Variants in CACNA2D3 observed in about 807,000 individuals in gnomAD.
CACNA2D3 encodes the protein voltage-dependent calcium channel subunit alpha-2/delta-3.
Under a neutral mutation model 160.6 loss-of-function variants are expected in CACNA2D3, and 60 were observed. That is an observed-to-expected ratio of 0.37 (90% confidence interval 0.30 to 0.46). The LOEUF (loss-of-function observed/expected upper bound fraction) is 0.46, where lower values mean the gene tolerates loss of function less well. CACNA2D3 is among the 20% of genes least tolerant of loss of function. CACNA2D3 has a pLI of 1.00. For synonymous variants in CACNA2D3, 558 were observed against 492.9 expected (o/e 1.13, Z -1.75); for missense variants, 1,205 against 1,365.0 (o/e 0.88, Z 1.85).
At chr3:54,307,394 C>A (rs945028996) in intron 2 of CACNA2D3, among the ~76,000 whole-genome samples, 3 of 152,102 alleles carry the variant, frequency 2.0e-5, no homozygotes, top group African/African-American at 7.2e-5. Flanking sequence ...CCTGGAGGAC[C>A]CGTGGGCTGC....
chr3:54,831,426 G>C (rs991621492), intron 14 of CACNA2D3, among the ~76,000 whole-genome samples: 1 of 152,208 alleles, frequency 6.6e-6, no homozygotes, highest in Non-Finnish European at 1.5e-5. Context: ...ATAGAGTTAT[G>C]AAGAAGGCAA....
In CACNA2D3 at chr3:55,036,205, G is replaced by C. The variant is rs1279493265; in HGVS notation, c.2987+17888G>C. On this transcript the variant is annotated intron_variant, in intron 35 of 37. Coordinates refer to ENST00000474759, the MANE Select transcript of CACNA2D3 (RefSeq NM_018398.3). ...CTCCCACCTGTAATCCCAGCACTTT[G>C]GGAGGCCAGGGTGGGTAGATCACTT... is the stretch of plus-strand genomic sequence containing the variant. 5.3e-5 allele frequency among the ~76,000 whole-genome samples: 8 copies of C among 152,114 alleles called. No homozygotes were observed. The South Asian group carries it at 1.5e-3, about 28-fold the overall frequency.
chr3:54,461,692 G>A (rs193063160), intron 4 of CACNA2D3, among the ~76,000 whole-genome samples: 3 of 151,712 alleles, frequency 2.0e-5, no homozygotes, highest in Admixed American at 6.6e-5. Flanking sequence ...TCTTGGTAGT[G>A]ATCTATCAGT....
At chr3:54,632,480 C>T (rs747188567) in intron 10 of CACNA2D3, 11 of 152,192 alleles carry the variant, frequency 7.2e-5, no homozygotes, top group Non-Finnish European at 1.3e-4. Flanking sequence ...AATGCAGTCT[C>T]CCCAGAACAT....
intron 2 of CACNA2D3, among the ~76,000 whole-genome samples, chr3:54,131,624 C>G (rs370769410): frequency 9.2e-5 from 14 of 152,324 alleles, no homozygotes; most frequent in African/African-American, 3.4e-4. Flanking sequence ...TATTCATGAA[C>G]AAGAGAGACT....
intron 11 of CACNA2D3, among the ~76,000 whole-genome samples, chr3:54,663,959 T>C (rs1216523224): frequency 6.6e-6 from 1 of 152,246 alleles, no homozygotes; most frequent in Non-Finnish European, 1.5e-5. Flanking sequence ...CTCGCCTTCA[T>C]GTGTGGTGAG....
intron 29 of CACNA2D3, 68 bp downstream of exon 29, chr3:54,969,912 G>A (rs1181865036): frequency 9.4e-6 from 13 of 1,384,670 alleles, no homozygotes; most frequent in South Asian, 2.4e-5. Flanking sequence ...CTTTATGACC[G>A]AGGGAATGCC....
chr3:54,416,512 C>T (rs947809214), intron 4 of CACNA2D3, among the ~76,000 whole-genome samples: 22 of 152,250 alleles, frequency 1.4e-4, no homozygotes, highest in African/African-American at 4.3e-4. Flanking sequence ...GATTGGTTAT[C>T]ATCAGAGTTG....
At position 54,941,929 on chromosome 3, in the gene CACNA2D3, C is replaced by G. The variant is rs141234932; in HGVS notation, c.2450-26521C>G. ...CTGCTCACCATGGGATAAACTTCAA[C>G]CTCGTGAAATGGCAATGACAGCTGC... On this transcript the variant is annotated intron_variant, in intron 27 of 37. Coordinates refer to ENST00000474759, the MANE Select transcript of CACNA2D3 (RefSeq NM_018398.3). Among the ~76,000 whole-genome samples, 6 of 152,320 alleles carry G rather than the reference C, an allele frequency of 3.9e-5. No homozygotes were observed. The East Asian group carries it at 1.2e-3, about 29-fold the overall frequency.
chr3:54,994,505 A>G lies in CACNA2D3; in HGVS notation c.2690+6752A>G, dbSNP rs1702813951. Among the ~76,000 whole-genome samples, 4 of 152,306 alleles carry G rather than the reference A, an allele frequency of 2.6e-5. No individual in the cohort carries two copies. The South Asian group carries it at 8.3e-4, about 32-fold the overall frequency. On this transcript the variant is annotated intron_variant, in intron 31 of 37. Coordinates refer to ENST00000474759, the MANE Select transcript of CACNA2D3 (RefSeq NM_018398.3). The stretch of plus-strand genomic sequence containing the variant: ...TTCTGGGCCAAACTTTCTGGAAGGC[A>G]GAGACATGGAGCTTCCAATGAACCA...
Position 54,524,706 on chromosome 3 carries a change from C to T in CACNA2D3, c.544+21052C>T, listed in dbSNP as rs576673512. 2.3e-4 allele frequency among the ~76,000 whole-genome samples: 35 copies of T among 151,996 alleles called. No individual in the cohort carries two copies. The East Asian group carries it at 5.4e-3, about 23-fold the overall frequency. On this transcript the variant is annotated intron_variant, in intron 5 of 37. Transcript: ENST00000474759. ...TATGTGTATAATTGTTATATCTTCC[C>T]GACAGATTTACTCTTTTATCATTAT...
chr3:54,196,611 A>C (rs6445633), intron 2 of CACNA2D3, among the ~76,000 whole-genome samples: 117,246 of 152,264 alleles, frequency 0.77, 45,805 homozygotes, highest in East Asian at 1. Context: ...CCTATGGTAT[A>C]TGCAGGGCTT....
At chr3:54,793,547 G>GT (rs1702804825) in intron 13 of CACNA2D3, among the ~76,000 whole-genome samples, 1 of 152,184 alleles carries the variant, frequency 6.6e-6, no homozygotes, top group Non-Finnish European at 1.5e-5. Flanking sequence ...GAGAGACAGA[G>GT]TAACGGGGTC....
At chr3:54,680,298 T>C (rs1462318790) in intron 11 of CACNA2D3, among the ~76,000 whole-genome samples, 1 of 152,262 alleles carries the variant, frequency 6.6e-6, no homozygotes, top group Non-Finnish European at 1.5e-5. Flanking sequence ...TCAACAACAC[T>C]TCCTTTTTAT....
intron 17 of CACNA2D3, among the ~76,000 whole-genome samples, chr3:54,859,594 T>G (rs1333500595): frequency 6.6e-6 from 1 of 152,204 alleles, no homozygotes; most frequent in South Asian, 2.1e-4. Flanking sequence ...CCCTCCATTA[T>G]GTAGCATGAT....
intron 21 of CACNA2D3, among the ~76,000 whole-genome samples, chr3:54,883,799 A>ATCTCTCTCACTCTCTCTCTCTCTCTCTC (rs1553904142): frequency 0.012 from 1,281 of 107,366 alleles, 13 homozygotes; most frequent in Non-Finnish European, 0.017. Flanking sequence ...TTACAATGGA[A>ATCTCTCTCACTCTCTCTCTCTCTCTCTC]TCTCTCTCTC....
intron 3 of CACNA2D3, among the ~76,000 whole-genome samples, chr3:54,331,965 T>A (rs984074329): frequency 2.0e-5 from 3 of 152,182 alleles, no homozygotes; most frequent in Non-Finnish European, 4.4e-5. Context: ...AGCATAACTT[T>A]CCTGTAGCAT....
chr3:54,791,063 A>G (rs1702746507), intron 13 of CACNA2D3, among the ~76,000 whole-genome samples: 1 of 149,102 alleles, frequency 6.7e-6, no homozygotes, highest in African/African-American at 2.5e-5. Context: ...ACTTTCTGTT[A>G]TGGGTAGTCT....
chr3:54,353,194 A>G (rs768409989), intron 3 of CACNA2D3, among the ~76,000 whole-genome samples: 11 of 152,230 alleles, frequency 7.2e-5, no homozygotes, highest in Non-Finnish European at 1.5e-4. Flanking sequence ...TAAGTCGTGC[A>G]GTCTTACTGG....
Sources: allele counts gnomAD v4.1 joint callset (sites outside exome capture counted in the v4.1 genomes callset), GRCh38; gene constraint gnomAD v4.1.1; transcripts MANE v1.5; gene names NCBI Gene and HGNC (gene_info 2026-07-23, HGNC 2026-07-21).